WWOX: variants seen among roughly 807,000 people sequenced by gnomAD.
WWOX encodes the protein WW domain-containing oxidoreductase.
WWOX carries 69 observed loss-of-function variants against 46.2 expected under a neutral mutation model. The ratio of observed to expected loss-of-function variants is 1.49; its 90% CI spans 1.23 to 1.82. The LOEUF is 1.82. Ranked by LOEUF, WWOX falls within the 40% of genes most tolerant of loss-of-function variation. The pLI, the probability that WWOX is intolerant of heterozygous loss-of-function variation, is 0.00. For synonymous variants in WWOX, 359 were observed against 202.6 expected (o/e 1.77, Z -6.56); for missense variants, 919 against 542.6 (o/e 1.69, Z -6.89).
At chr16:78,486,253 G>C (rs1233591771) in intron 8 of WWOX, among the ~76,000 whole-genome samples, 1 of 152,150 alleles carries the variant, frequency 6.6e-6, no homozygotes, top group Admixed American at 6.5e-5. Context: ...GAGTTAGAAA[G>C]AGATGTGTAG....
intron 8 of WWOX, among the ~76,000 whole-genome samples, chr16:78,911,090 C>T (rs1396221598): frequency 2.6e-5 from 4 of 152,020 alleles, no homozygotes; most frequent in African/African-American, 4.8e-5. Context: ...CAGGGCCTCC[C>T]TTCTTGTTCT....
chr16:78,210,047 A>T (rs1330064920), intron 5 of WWOX, among the ~76,000 whole-genome samples: 2 of 152,192 alleles, frequency 1.3e-5, no homozygotes, highest in Non-Finnish European at 2.9e-5. Flanking sequence ...GAAAAAAAAA[A>T]ATTGTGGGTC....
At chr16:78,531,109 A>G (rs2257074) in intron 8 of WWOX, among the ~76,000 whole-genome samples, 128,065 of 152,168 alleles carry the variant, frequency 0.84, 54,722 homozygotes, top group East Asian at 1. Context: ...TTTGCATTTC[A>G]TGAGTCTTGG....
intron 5 of WWOX, among the ~76,000 whole-genome samples, chr16:78,375,660 C>A (rs776264829): frequency 6.6e-6 from 1 of 152,054 alleles, no homozygotes; most frequent in Non-Finnish European, 1.5e-5. Flanking sequence ...AAAAAGCTAT[C>A]AAAATTTAAA....
chr16:78,627,517 C>A (rs891623633), intron 8 of WWOX, among the ~76,000 whole-genome samples: 4 of 152,130 alleles, frequency 2.6e-5, no homozygotes, highest in Non-Finnish European at 2.9e-5. Flanking sequence ...AGGATGCCAA[C>A]AAGAAGTCAC....
intron 8 of WWOX, among the ~76,000 whole-genome samples, chr16:78,530,099 C>A (rs1214818427): frequency 2.0e-5 from 3 of 152,172 alleles, no homozygotes; most frequent in African/African-American, 7.2e-5. Flanking sequence ...TGAGCAGGTG[C>A]AGGAGCCAGG....
chr16:79,084,430 C>G (rs4493048), intron 8 of WWOX, among the ~76,000 whole-genome samples: 1 of 151,790 alleles, frequency 6.6e-6, no homozygotes, highest in African/African-American at 2.4e-5. Context: ...CAAGTAATTT[C>G]TTTTTTTTGA....
intron 8 of WWOX, among the ~76,000 whole-genome samples, chr16:78,638,710 A>G (rs1402837114): frequency 6.6e-6 from 1 of 152,150 alleles, no homozygotes; most frequent in Non-Finnish European, 1.5e-5. Flanking sequence ...AATCGAATAC[A>G]TTAGAGCATT....
intron 5 of WWOX, among the ~76,000 whole-genome samples, chr16:78,189,348 C>T (rs755094291): frequency 1.4e-4 from 22 of 152,184 alleles, no homozygotes; most frequent in Non-Finnish European, 2.9e-4. Flanking sequence ...TCTTGGTAGC[C>T]GTGGGCACTT....
intron 8 of WWOX, among the ~76,000 whole-genome samples, chr16:78,933,268 G>A (rs909507605): frequency 1.3e-5 from 2 of 152,176 alleles, no homozygotes; most frequent in Non-Finnish European, 2.9e-5. Flanking sequence ...GCAAAACCCA[G>A]TGTCTACTAA....
At position 78,156,939 on chromosome 16, in the gene WWOX, A is replaced by T. The variant is rs556217461; in HGVS notation, c.410-7244A>T. On this transcript the variant is annotated intron_variant, in intron 4 of 8. Coordinates refer to ENST00000566780, the MANE Select transcript of WWOX (RefSeq NM_016373.4). ...GAGTGAGACTCTGTCTCAGTCAGTC[A>T]ATCAGTCAATCAATCAAGTTCTGGA... Among the ~76,000 whole-genome samples the T allele has an allele frequency of 1.6e-4, 24 of 152,300 alleles. No homozygotes were observed. In the South Asian group the frequency reaches 3.5e-3, roughly 22 times the overall value.
At chr16:78,631,202 G>C (rs999929808) in intron 8 of WWOX, among the ~76,000 whole-genome samples, 1 of 152,134 alleles carries the variant, frequency 6.6e-6, no homozygotes, top group Non-Finnish European at 1.5e-5. Flanking sequence ...GATACTGAGG[G>C]ACAACTGTAC....
rs188194210 is a variant in WWOX, at chr16:78,261,397, C to A, written c.516+97108C>A. On this transcript the variant is annotated intron_variant, in intron 5 of 8. Transcript: ENST00000566780. ...TCTAGCCTAGGCGACAGAGCAAGAC[C>A]CTGTCTCTAAAAATAAATAAATAAA... is the stretch of plus-strand genomic sequence containing the variant. Among the ~76,000 whole-genome samples, 13 of 123,620 alleles carry A rather than the reference C, an allele frequency of 1.1e-4. No homozygotes were observed. The East Asian group carries it at 1.5e-3, about 14-fold the overall frequency. The allele number at this position is 123,620 out of a possible 152,430, so 81.1% of individuals were successfully genotyped here.
chr16:79,131,022 A>T (rs2049867161), intron 8 of WWOX, among the ~76,000 whole-genome samples: 1 of 152,244 alleles, frequency 6.6e-6, no homozygotes, highest in South Asian at 2.1e-4. Context: ...GGATGAAGTT[A>T]TATCACAACC....
chr16:78,273,515 AT>A (rs1257893770), intron 5 of WWOX, among the ~76,000 whole-genome samples: 1 of 152,172 alleles, frequency 6.6e-6, no homozygotes, highest in South Asian at 2.1e-4. Flanking sequence ...CATAGGAGGA[AT>A]TTAGAGCAGA....
chr16:78,649,489 C>T (rs2046917800), intron 8 of WWOX, among the ~76,000 whole-genome samples: 1 of 152,064 alleles, frequency 6.6e-6, no homozygotes, highest in African/African-American at 2.4e-5. Context: ...GTTGCCCAGG[C>T]TGGTGTTGAA....
intron 8 of WWOX, among the ~76,000 whole-genome samples, chr16:79,027,062 G>T (rs1032857639): frequency 6.6e-6 from 1 of 151,444 alleles, no homozygotes; most frequent in Non-Finnish European, 1.5e-5. Flanking sequence ...GGAGGATCAC[G>T]TGAGCCCAGC....
chr16:78,898,768 A>G (rs2044758489), intron 8 of WWOX: 1 of 152,086 alleles, frequency 6.6e-6, no homozygotes, highest in Non-Finnish European at 1.5e-5. Context: ...CATTTATTTA[A>G]GGCTTCTTTA....
intron 8 of WWOX, among the ~76,000 whole-genome samples, chr16:78,558,659 T>C (rs75298499): frequency 0.054 from 8,256 of 152,296 alleles, 277 homozygotes; most frequent in African/African-American, 0.092. Context: ...GTGTTGGTTC[T>C]CATAGGTCTC....
Sources: allele counts gnomAD v4.1 joint callset (sites outside exome capture counted in the v4.1 genomes callset), GRCh38; gene constraint gnomAD v4.1.1; transcripts MANE v1.5; gene names NCBI Gene and HGNC (gene_info 2026-07-23, HGNC 2026-07-21).